HK2: variants seen among roughly 807,000 people sequenced by gnomAD.
The protein encoded by HK2 is hexokinase 2.
A neutral mutation model predicts 92.9 loss-of-function variants in HK2; 42 were observed. That is an observed-to-expected ratio of 0.45 (90% CI 0.35 to 0.58). HK2 has a LOEUF of 0.58. HK2 is among the 20% of genes least tolerant of loss of function. The probability of loss-of-function intolerance (pLI) is 0.00; values close to 1 mark genes in which losing one functional copy is unlikely to be tolerated. For missense variants in HK2, 978 were observed against 1,245.1 expected, an observed-to-expected ratio of 0.79 and a Z score of 3.23; for synonymous variants, 422 against 468.0, an observed-to-expected ratio of 0.90 and a Z score of 1.27.
At chr2:74,849,146 C>T (rs1342413372) in intron 1 of HK2, among the ~76,000 whole-genome samples, 2 of 152,196 alleles carry the variant, frequency 1.3e-5, no homozygotes, top group Non-Finnish European at 2.9e-5. Flanking sequence ...AAGTGCTGGT[C>T]TGGAGGAAAA....
At chr2:74,886,703 G>A (rs770877816) in intron 15 of HK2, 30 bp downstream of exon 15, 4 of 1,610,596 alleles carry the variant, frequency 2.5e-6, no homozygotes, top group South Asian at 2.2e-5. Flanking sequence ...CCTGTTAAGT[G>A]TATCCCAGGA....
rs901070778 is a variant in HK2, at chr2:74,891,139, C to T, written c.*198C>T. 4.9e-6 allele frequency: 3 copies of T among 609,002 alleles called. No individual in the cohort carries two copies. In the African/African-American group the frequency reaches 5.6e-5, roughly 11 times the overall value. 37.7% of individuals were successfully genotyped at this position (609,002 alleles called of 1,614,324 possible). ...TGGCCCTATTAAGATAAATAGAGTT[C>T]CAAATAAGGATTTGTTCACATGCAT... On this transcript the variant is annotated 3_prime_UTR_variant, in exon 18 of 18. Transcript: ENST00000290573.
At chr2:74,879,291 C>A (rs188600524) in intron 9 of HK2, among the ~76,000 whole-genome samples, 13 of 152,310 alleles carry the variant, frequency 8.5e-5, no homozygotes, top group African/African-American at 2.9e-4. Context: ...GTGAGGGTTA[C>A]CAGCTTCTCT....
Position 74,874,357 on chromosome 2 carries a change from G to C in HK2, c.783G>C (p.Trp261Cys). 2 of 1,614,110 alleles carry C rather than the reference G, an allele frequency of 1.2e-6. No individual in the cohort carries two copies. The highest frequency in any genetic ancestry group is 1.3e-5 in the African/African-American group (1 of 75,036). Residue 261 changes from tryptophan (W) to cysteine (C), a missense_variant, in exon 7 of 18, where the codon TGG (tryptophan) becomes TGC (cysteine). Physicochemically the swap from Trp to Cys is radical, Grantham distance 215 (BLOSUM62 -2). This residue lies in a region of HK2 where 742 missense variants were observed against 922.5 expected (regional missense o/e 0.80). Transcript: ENST00000290573. ...DEGRMCINME[W>C]GAFGDDGSLN... is the part of the protein sequence containing the mutation. Reference sequence around the variant, plus strand: ...GGCGGATGTGTATCAATATGGAGTGGGGGGCCTTCGGGGACGATGGCTCGC... The same window carrying C: ...GGCGGATGTGTATCAATATGGAGTGCGGGGCCTTCGGGGACGATGGCTCGC...
intron 2 of HK2, among the ~76,000 whole-genome samples, chr2:74,860,571 T>C (rs1208733939): frequency 1.3e-5 from 2 of 152,254 alleles, no homozygotes; most frequent in Non-Finnish European, 2.9e-5. Context: ...TTTATCTGTG[T>C]TGTGTCTATC....
chr2:74,884,719 T>TG, intron 12 of HK2, among the ~76,000 whole-genome samples: 1 of 152,254 alleles, frequency 6.6e-6, no homozygotes, highest in South Asian at 2.1e-4. Context: ...GCCGAGCTCT[T>TG]GGGTAAGGAG....
intron 1 of HK2, among the ~76,000 whole-genome samples, chr2:74,839,873 C>T (rs1364334143): frequency 2.7e-5 from 4 of 150,224 alleles, no homozygotes; most frequent in South Asian, 2.1e-4. Context: ...AGGATGGTCT[C>T]GATCTCTTGA....
intron 5 of HK2, 46 bp downstream of exon 5, chr2:74,873,417 C>T (rs372795956): frequency 1.5e-6 from 2 of 1,339,278 alleles, no homozygotes; most frequent in Non-Finnish European, 1.1e-6. Flanking sequence ...TTTTCTGGGT[C>T]CACCCTGAAG....
intron 1 of HK2, among the ~76,000 whole-genome samples, chr2:74,840,041 G>C (rs749362666): frequency 2.1e-5 from 3 of 141,550 alleles, no homozygotes; most frequent in Admixed American, 7.4e-5. Flanking sequence ...CTGCAACCTC[G>C]GCCTCCTGGG....
At chr2:74,853,265 C>T (rs1573362877) in intron 1 of HK2, among the ~76,000 whole-genome samples, 1 of 151,974 alleles carries the variant, frequency 6.6e-6, no homozygotes, top group African/African-American at 2.4e-5. Flanking sequence ...TCCTTTAATC[C>T]CAGCACTTTG....
intron 8 of HK2, among the ~76,000 whole-genome samples, chr2:74,878,384 A>G (rs1487700718): frequency 6.6e-6 from 1 of 150,954 alleles, no homozygotes; most frequent in Non-Finnish European, 1.5e-5. Context: ...TGCATAAGAA[A>G]TACTTGTGTT....
intron 2 of HK2, among the ~76,000 whole-genome samples, chr2:74,857,894 T>G (rs1430605019): frequency 6.6e-6 from 1 of 152,178 alleles, no homozygotes; most frequent in Non-Finnish European, 1.5e-5. Context: ...ACAGCCTGGG[T>G]GCCTGCCGCT....
intron 1 of HK2, among the ~76,000 whole-genome samples, chr2:74,846,426 C>T (rs1445033269): frequency 2.0e-5 from 3 of 152,174 alleles, no homozygotes; most frequent in East Asian, 3.8e-4. Flanking sequence ...GAACCAGCCC[C>T]GTGTTCTCCT....
At chr2:74,874,470 C>T (rs370165381) in intron 7 of HK2, 21 bp downstream of exon 7, 80 of 1,579,390 alleles carry the variant, frequency 5.1e-5, no homozygotes, top group Admixed American at 1.8e-4. Context: ...CCTTCCTGTG[C>T]GAGTGGGCTT....
rs1689298479 is a variant in HK2 at position 74,878,642 on chromosome 2, A to G, written c.1032-46A>G. 6 of 1,459,992 alleles carry G rather than the reference A, an allele frequency of 4.1e-6. No homozygotes were observed. The African/African-American group carries it at 4.2e-5, about 10-fold the overall frequency. The allele number at this position is 1,459,992 out of a possible 1,614,324, so 90.4% of individuals were successfully genotyped here. ...CCACCCCCCGACACACACACTGGCC[A>G]CAGTGGGTCAGACACAGGCCCACAT... On this transcript the variant is annotated intron_variant, in intron 8 of 17. Coordinates refer to ENST00000290573, the MANE Select transcript of HK2 (RefSeq NM_000189.5).
intron 7 of HK2, among the ~76,000 whole-genome samples, chr2:74,876,601 G>A (rs760164327): frequency 1.3e-5 from 2 of 152,024 alleles, no homozygotes; most frequent in Non-Finnish European, 2.9e-5. Flanking sequence ...TTTAGAGCTC[G>A]GAGCCCAGTG....
rs910619740 is a variant in HK2, at chr2:74,860,949, A to G, written c.226+6494A>G. Among the ~76,000 whole-genome samples the G allele has an allele frequency of 7.2e-5, 11 of 152,222 alleles. No homozygotes were observed. The East Asian group carries it at 2.1e-3, about 29-fold the overall frequency. ...TTTTTCAGTGGAGAGTTAATTAAAGAAAGCATTCATTTGCGTTTGCTAGGA... is the reference window on the plus strand; with the variant it reads ...TTTTTCAGTGGAGAGTTAATTAAAGGAAGCATTCATTTGCGTTTGCTAGGA... On this transcript the variant is annotated intron_variant, in intron 2 of 17. Transcript: ENST00000290573.
At chr2:74,863,849 A>G (rs1468291979) in intron 2 of HK2, among the ~76,000 whole-genome samples, 1 of 152,204 alleles carries the variant, frequency 6.6e-6, no homozygotes, top group Non-Finnish European at 1.5e-5. Context: ...ATTAAGTTAT[A>G]AATATAGGGC....
intron 1 of HK2, among the ~76,000 whole-genome samples, chr2:74,847,142 G>T (rs1201576477): frequency 1.3e-5 from 2 of 152,110 alleles, no homozygotes; most frequent in Non-Finnish European, 1.5e-5. Context: ...TGTGCCACAG[G>T]CATCCTGCAT....
Sources: gnomAD v4.1 joint callset for allele counts (sites outside exome capture counted in the v4.1 genomes callset) on GRCh38, gnomAD v4.1.1 for gene constraint, gnomAD v4.1.1 regional missense constraint, MANE v1.5 for transcripts, NCBI Gene and HGNC (gene_info 2026-07-23, HGNC 2026-07-21) for gene names.